The following TGM6 variants were observed in gnomAD, a reference collection of about 807,000 sequenced individuals.
The protein encoded by TGM6 is protein-glutamine gamma-glutamyltransferase 6.
A neutral mutation model predicts 77.5 loss-of-function variants in TGM6; 74 were observed. The observed-to-expected ratio is 0.96, with a 90% CI of 0.79 to 1.16. The LOEUF is 1.16. Among genes scored for constraint, TGM6 ranks in the 50% most tolerant of loss-of-function variants. The pLI, the probability that TGM6 is intolerant of heterozygous loss-of-function variation, is 0.00. For missense variants in TGM6, 968 were observed against 940.2 expected (o/e 1.03, Z -0.39); for synonymous variants, 383 against 378.9 (o/e 1.01, Z -0.12).
In TGM6 at chr20:2,403,385, T is replaced by C. The variant is rs1224867812; in HGVS notation, c.990-12T>C. 22 of 1,613,884 alleles carry C rather than the reference T, an allele frequency of 1.4e-5. No homozygotes were observed. The highest frequency in any genetic ancestry group is 1.8e-5 in the Non-Finnish European group (21 of 1,179,994). Reference sequence around the variant, plus strand: ...ACTCTAGGCAGCTTCACCCATCCTCTCTCTGTGGCAGGAATTTCCATGTCT... The same window carrying C: ...ACTCTAGGCAGCTTCACCCATCCTCCCTCTGTGGCAGGAATTTCCATGTCT... On this transcript the variant is annotated splice_polypyrimidine_tract_variant and intron_variant, in intron 7 of 12. Coordinates refer to ENST00000202625, the MANE Select transcript of TGM6 (RefSeq NM_198994.3).
chr20:2,382,331 G>A (rs1430678288), intron 1 of TGM6, among the ~76,000 whole-genome samples: 3 of 152,182 alleles, frequency 2.0e-5, no homozygotes, highest in Non-Finnish European at 4.4e-5. Context: ...AGCTGGGGTT[G>A]CCTCCCTGAT....
In TGM6 at chr20:2,432,652, G is replaced by A; in HGVS notation, c.*9G>A. 1.2e-6 allele frequency: 2 copies of A among 1,614,096 alleles called. No individual in the cohort carries two copies. The highest frequency in any genetic ancestry group is 2.2e-5 in the East Asian group (1 of 44,862). On this transcript the variant is annotated 3_prime_UTR_variant, in exon 13 of 13. Coordinates refer to ENST00000202625, the MANE Select transcript of TGM6 (RefSeq NM_198994.3). ...TGGCCACTGCCAAGTGATGGATCAT[G>A]AGGGACTGAGAGGGGTGGATTTGGC...
At chr20:2,419,060 GATTT>G (rs2084838746) in intron 10 of TGM6, among the ~76,000 whole-genome samples, 1 of 152,226 alleles carries the variant, frequency 6.6e-6, no homozygotes, top group Non-Finnish European at 1.5e-5. Flanking sequence ...CTTCGTGGAT[GATTT>G]ATTAAATGTA....
rs773236459 is a variant in TGM6, at chr20:2,417,318, A to AG, written c.1426dup (p.Ala476GlyfsTer9). ...CTCTGGAAGGAGAATCTGGATCCGC[A>AG]GGGCTGGGGGTCGCTGTCTCTGGCG... On this transcript the variant is annotated frameshift_variant, in exon 10 of 13. Transcript: ENST00000202625. LOFTEE classifies it high-confidence loss of function. 6 of 1,612,554 alleles carry AG rather than the reference A, an allele frequency of 3.7e-6. No homozygotes were observed. The Admixed American group carries it at 1.0e-4, about 27-fold the overall frequency.
intron 4 of TGM6, among the ~76,000 whole-genome samples, chr20:2,396,856 G>T (rs1230883312): frequency 6.6e-6 from 1 of 152,120 alleles, no homozygotes; most frequent in East Asian, 1.9e-4. Context: ...AGGTCAGTAT[G>T]GTTGTGGAAA....
intron 5 of TGM6, 60 bp from the exon 6 acceptor site, chr20:2,399,501 A>G (rs2084690377): frequency 1.2e-6 from 2 of 1,611,048 alleles, no homozygotes; most frequent in African/African-American, 2.7e-5. Context: ...TTTGACCACG[A>G]TGCGGTTCTT....
chr20:2,414,157 A>G (rs1282987409), intron 9 of TGM6, among the ~76,000 whole-genome samples: 2 of 152,168 alleles, frequency 1.3e-5, no homozygotes, highest in Non-Finnish European at 2.9e-5. Flanking sequence ...GGAGTACTTG[A>G]GGCTAGGAGT....
rs1340939866 is a variant in TGM6 at position 2,399,603 on chromosome 20, C to T, written c.715C>T (p.Gln239Ter). Residue 239 changes from glutamine to a stop codon, truncating the protein, a stop_gained, in exon 6 of 13, where the codon CAG (glutamine) becomes TAG (stop). Transcript: ENST00000202625. LOFTEE classifies it high-confidence loss of function. ...CCGAGGTGTGGTGCAAGGACAGTGG[C>T]AGGGCAAGTACGGCGGCGGCACCAG... ...NDRGVVQGQW[Q>*]GKYGGGTSPL... 6.2e-7 allele frequency: 1 copy of T among 1,613,378 alleles called. No homozygotes were observed. The highest frequency in any genetic ancestry group is 1.3e-5 in the African/African-American group (1 of 74,912).
chr20:2,396,073 G>A (rs1439995848), intron 3 of TGM6, among the ~76,000 whole-genome samples: 8 of 151,850 alleles, frequency 5.3e-5, no homozygotes, highest in Non-Finnish European at 7.4e-5. Flanking sequence ...CCAGCTACTC[G>A]GGAGGCTGAG....
intron 1 of TGM6, among the ~76,000 whole-genome samples, chr20:2,382,825 C>G (rs1237259786): frequency 1.3e-5 from 2 of 152,200 alleles, no homozygotes; most frequent in Non-Finnish European, 2.9e-5. Context: ...GACCCCAGAG[C>G]TCTTCCCTCT....
At chr20:2,386,504 A>G (rs530954651) in intron 1 of TGM6, among the ~76,000 whole-genome samples, 4 of 152,180 alleles carry the variant, frequency 2.6e-5, no homozygotes, top group Non-Finnish European at 5.9e-5. Flanking sequence ...ATAGGGACAA[A>G]TGGGGAGAAG....
intron 10 of TGM6, among the ~76,000 whole-genome samples, chr20:2,420,237 T>A (rs2122417271): frequency 6.6e-6 from 1 of 152,114 alleles, no homozygotes; most frequent in South Asian, 2.1e-4. Flanking sequence ...AGAGAGAGAC[T>A]CTTGTCTAAA....
intron 7 of TGM6, 135 bp downstream of exon 7, chr20:2,400,579 G>GGCGCCTCTCACTCCCTCCA: frequency 1.6e-6 from 2 of 1,277,344 alleles, no homozygotes; most frequent in Non-Finnish European, 2.2e-6. Context: ...GGCTCTGGAG[G>GGCGCCTCTCACTCCCTCCA]GAGTGAGAGG....
In TGM6 at chr20:2,417,277, T is replaced by C. The variant is rs984559925; in HGVS notation, c.1382T>C (p.Leu461Pro). The change falls in exon 10 of 13, where the codon CTG becomes CCG. Residue 461 changes from leucine (L) to proline (P), a missense_variant. By Grantham distance (98) the Leu-to-Pro change is moderately conservative (BLOSUM62 -3). Transcript: ENST00000202625. ...GTGTACAGCAAGGCGGTGAACAGGC[T>C]GTTCGGCGTGGAAGCCTCTGGAAGG... ...RQVYSKAVNR[L>P]FGVEASGRRI... 26 of 1,610,614 alleles carry C rather than the reference T, an allele frequency of 1.6e-5. No homozygotes were observed. The highest frequency in any genetic ancestry group is 2.1e-5 in the Non-Finnish European group (25 of 1,178,676).
intron 1 of TGM6, among the ~76,000 whole-genome samples, chr20:2,381,830 A>G (rs954557406): frequency 6.6e-6 from 1 of 152,188 alleles, no homozygotes; most frequent in African/African-American, 2.4e-5. Context: ...AGGTGAGAGG[A>G]TCGCTTGAGC....
intron 1 of TGM6, among the ~76,000 whole-genome samples, chr20:2,385,643 T>C (rs1200362263): frequency 6.6e-6 from 1 of 151,344 alleles, no homozygotes; most frequent in Non-Finnish European, 1.5e-5. Context: ...CTTTGGAATG[T>C]GACAGCTTGA....
At chr20:2,422,454 T>G (rs2084862964) in intron 10 of TGM6, among the ~76,000 whole-genome samples, 1 of 152,228 alleles carries the variant, frequency 6.6e-6, no homozygotes, top group Non-Finnish European at 1.5e-5. Flanking sequence ...ATTGCAGGTT[T>G]GGTTCCAGAC....
chr20:2,430,110 T>C (rs1382659731), intron 10 of TGM6, among the ~76,000 whole-genome samples: 2 of 152,204 alleles, frequency 1.3e-5, no homozygotes, highest in Non-Finnish European at 2.9e-5. Context: ...GATGATGGGC[T>C]GAGAGATTTT....
intron 1 of TGM6, among the ~76,000 whole-genome samples, chr20:2,382,124 A>G (rs1487258112): frequency 6.6e-6 from 1 of 151,706 alleles, no homozygotes; most frequent in African/African-American, 2.4e-5. Context: ...TGACAGTTTT[A>G]TGAATCAAAT....
Sources: allele counts gnomAD v4.1 joint callset (sites outside exome capture counted in the v4.1 genomes callset), GRCh38; gene constraint gnomAD v4.1.1; transcripts MANE v1.5; gene names NCBI Gene and HGNC (gene_info 2026-07-23, HGNC 2026-07-21).